Variants in CAMTA1 observed in about 807,000 individuals in gnomAD.
CAMTA1 encodes the protein calmodulin binding transcription activator 1.
In CAMTA1, 27 loss-of-function variants were observed where a neutral mutation model predicts 170.9. The observed-to-expected ratio is 0.16, with a 90% CI of 0.12 to 0.22. CAMTA1 has a LOEUF of 0.22. CAMTA1 is among the 10% of genes least tolerant of loss of function. The pLI, the probability that CAMTA1 is intolerant of heterozygous loss-of-function variation, is 1.00. For synonymous variants in CAMTA1, 833 were observed against 891.5 expected, an observed-to-expected ratio of 0.93 and a Z score of 1.17; for missense variants, 1,619 against 2,217.2, an observed-to-expected ratio of 0.73 and a Z score of 5.42.
At chr1:7,062,841 C>A (rs1351255048) in intron 3 of CAMTA1, among the ~76,000 whole-genome samples, 1 of 152,224 alleles carries the variant, frequency 6.6e-6, no homozygotes, top group African/African-American at 2.4e-5. Flanking sequence ...TCACTGCCTG[C>A]AGCTGCTTCA....
At chr1:7,367,059 T>C (rs2086027405) in intron 5 of CAMTA1, among the ~76,000 whole-genome samples, 1 of 152,144 alleles carries the variant, frequency 6.6e-6, no homozygotes, top group Admixed American at 6.5e-5. Flanking sequence ...GACAGGAGCT[T>C]TCTAACTTGT....
chr1:7,343,877 T>C (rs1270564816), intron 5 of CAMTA1, among the ~76,000 whole-genome samples: 1 of 152,170 alleles, frequency 6.6e-6, no homozygotes, highest in African/African-American at 2.4e-5. Flanking sequence ...GTAGCTAGAG[T>C]TCATCAATTT....
chr1:7,765,094 C>T (rs1156778001), intron 22 of CAMTA1, among the ~76,000 whole-genome samples: 3 of 152,188 alleles, frequency 2.0e-5, no homozygotes, highest in Non-Finnish European at 4.4e-5. Context: ...CCTGATCATG[C>T]TGTTGCAGTA....
chr1:7,138,551 C>T (rs1266773390), intron 4 of CAMTA1, among the ~76,000 whole-genome samples: 1 of 152,298 alleles, frequency 6.6e-6, no homozygotes, highest in Non-Finnish European at 1.5e-5. Context: ...TCCATGTTTT[C>T]TCCCATCCCG....
intron 11 of CAMTA1, among the ~76,000 whole-genome samples, chr1:7,709,802 C>T (rs1052187403): frequency 6.6e-6 from 1 of 152,118 alleles, no homozygotes; most frequent in African/African-American, 2.4e-5. Flanking sequence ...TTTTCCAAAC[C>T]CATTAGTGGT....
At chr1:7,514,347 G>A (rs908868608) in intron 6 of CAMTA1, among the ~76,000 whole-genome samples, 41 of 152,344 alleles carry the variant, frequency 2.7e-4, no homozygotes, top group African/African-American at 8.4e-4. Flanking sequence ...CTGGGCCAGA[G>A]TCTCTCTGCT....
intron 3 of CAMTA1, among the ~76,000 whole-genome samples, chr1:7,058,371 C>T (rs968605743): frequency 6.6e-6 from 1 of 152,194 alleles, no homozygotes; most frequent in Admixed American, 6.5e-5. Context: ...GACATCCAAG[C>T]ACTTTGTTCG....
intron 3 of CAMTA1, among the ~76,000 whole-genome samples, chr1:6,863,728 A>C (rs572618635): frequency 1.3e-5 from 2 of 152,338 alleles, no homozygotes; most frequent in African/African-American, 4.8e-5. Flanking sequence ...TCCCCTGCTA[A>C]CATTACTGTG....
intron 6 of CAMTA1, among the ~76,000 whole-genome samples, chr1:7,537,930 A>G (rs1163270723): frequency 1.3e-5 from 2 of 152,086 alleles, no homozygotes; most frequent in Non-Finnish European, 2.9e-5. Flanking sequence ...GTCTTTTCCT[A>G]TTTTCTTCTA....
intron 3 of CAMTA1, among the ~76,000 whole-genome samples, chr1:6,972,485 C>CT (rs1301655648): frequency 6.6e-6 from 1 of 152,164 alleles, no homozygotes; most frequent in African/African-American, 2.4e-5. Flanking sequence ...TGCAATTAGC[C>CT]TTTATTCATC....
chr1:7,528,802 GATGAATGAATGA>G lies in CAMTA1; in HGVS notation c.510+60927_510+60938del, dbSNP rs3033702. Among the ~76,000 whole-genome samples the G allele has an allele frequency of 3.3e-3, 496 of 148,482 alleles. 3 individuals are homozygous for G. Among genetic ancestry groups the G allele is most frequent in the African/African-American group, 0.011 (452 of 40,270 alleles). On this transcript the variant is annotated intron_variant, in intron 6 of 22. Transcript: ENST00000303635. Reference sequence around the variant, plus strand: ...TCAAATGTAAAGGAATGAAAGGATGGATGAATGAATGAATGAATGAATGAATGAATGAATGAA... The same window carrying G: ...TCAAATGTAAAGGAATGAAAGGATGGATGAATGAATGAATGAATGAATGAA...
At chr1:6,990,422 C>G (rs1302958491) in intron 3 of CAMTA1, among the ~76,000 whole-genome samples, 1 of 152,184 alleles carries the variant, frequency 6.6e-6, no homozygotes, top group Non-Finnish European at 1.5e-5. Context: ...ATCAATTCAT[C>G]AATCCATCTT....
chr1:7,573,495 A>T, intron 6 of CAMTA1, among the ~76,000 whole-genome samples: 1 of 152,232 alleles, frequency 6.6e-6, no homozygotes, highest in East Asian at 1.9e-4. Context: ...GGCTTAAAAC[A>T]GCAGACATTT....
chr1:7,684,522 C>T (rs1157797153), intron 11 of CAMTA1, among the ~76,000 whole-genome samples: 1 of 152,226 alleles, frequency 6.6e-6, no homozygotes, highest in Non-Finnish European at 1.5e-5. Context: ...CCACTTGCAG[C>T]TCTGGTGGCT....
chr1:6,902,163 A>G (rs1361369411), intron 3 of CAMTA1, among the ~76,000 whole-genome samples: 3 of 152,140 alleles, frequency 2.0e-5, no homozygotes, highest in Non-Finnish European at 2.9e-5. Flanking sequence ...ATTTTCTTAT[A>G]AGTCTACACT....
intron 7 of CAMTA1, among the ~76,000 whole-genome samples, chr1:7,661,417 A>G (rs1487529246): frequency 1.3e-5 from 2 of 152,190 alleles, no homozygotes; most frequent in African/African-American, 4.8e-5. Flanking sequence ...GCACCCCTGG[A>G]AGAGCCGCCT....
chr1:7,361,880 A>C (rs2085566618), intron 5 of CAMTA1, among the ~76,000 whole-genome samples: 1 of 152,136 alleles, frequency 6.6e-6, no homozygotes, highest in Non-Finnish European at 1.5e-5. Flanking sequence ...CTCTTTCTGC[A>C]CCTGTCATTT....
intron 3 of CAMTA1, among the ~76,000 whole-genome samples, chr1:6,902,989 A>G (rs575717286): frequency 6.6e-6 from 1 of 152,370 alleles, no homozygotes; most frequent in South Asian, 2.1e-4. Flanking sequence ...AAATGAAAAT[A>G]TATGTTCCCA....
At chr1:6,797,447 A>T (rs1453711102) in intron 1 of CAMTA1, among the ~76,000 whole-genome samples, 1 of 150,678 alleles carries the variant, frequency 6.6e-6, no homozygotes, top group East Asian at 1.9e-4. Flanking sequence ...GTGCAGTGGC[A>T]TGATCTTGGC....
Sources: gnomAD v4.1 joint callset for allele counts (sites outside exome capture counted in the v4.1 genomes callset) on GRCh38, gnomAD v4.1.1 for gene constraint, MANE v1.5 for transcripts, NCBI Gene and HGNC (gene_info 2026-07-23, HGNC 2026-07-21) for gene names.